The following GHR variants were observed in gnomAD, a reference collection of about 807,000 sequenced individuals.
GHR encodes the protein GH receptor.
A neutral mutation model predicts 67.1 loss-of-function variants in GHR; 35 were observed. The ratio of observed to expected loss-of-function variants is 0.52; its 90% CI spans 0.40 to 0.69. GHR has a LOEUF of 0.69. Among genes scored for constraint, GHR ranks in the 30% least tolerant of loss-of-function variants. GHR has a pLI of 0.00. For synonymous variants in GHR, 272 were observed against 269.1 expected, an observed-to-expected ratio of 1.01 and a Z score of -0.10; for missense variants, 792 against 764.6, an observed-to-expected ratio of 1.04 and a Z score of -0.42.
At chr5:42,647,772 T>C (rs1754817527) in intron 3 of GHR, 1 of 413,652 alleles carries the variant, frequency 2.4e-6, no homozygotes, top group Non-Finnish European at 4.7e-6. Context: ...TTTTCCACTC[T>C]TTGCTCTTGG....
chr5:42,661,686 A>G (rs1210590985), intron 3 of GHR, among the ~76,000 whole-genome samples: 1 of 152,228 alleles, frequency 6.6e-6, no homozygotes, highest in Non-Finnish European at 1.5e-5. Flanking sequence ...CTAGGAAGAA[A>G]CTGCATCAAC....
intron 2 of GHR, among the ~76,000 whole-genome samples, chr5:42,575,173 A>G (rs1750583787): frequency 6.6e-6 from 1 of 152,076 alleles, no homozygotes; most frequent in Non-Finnish European, 1.5e-5. Context: ...GTCCTCAGAG[A>G]TGCTTAGGGT....
At chr5:42,595,171 T>A (rs1225128738) in intron 2 of GHR, among the ~76,000 whole-genome samples, 2 of 152,180 alleles carry the variant, frequency 1.3e-5, no homozygotes, top group Non-Finnish European at 2.9e-5. Context: ...AGTATTTTGT[T>A]ACCCACCTTG....
At chr5:42,566,927 T>A (rs1187662859) in intron 2 of GHR, among the ~76,000 whole-genome samples, 1 of 152,192 alleles carries the variant, frequency 6.6e-6, no homozygotes, top group Non-Finnish European at 1.5e-5. Context: ...CACAGTCACT[T>A]AGAAAATGAG....
intron 3 of GHR, among the ~76,000 whole-genome samples, chr5:42,653,027 G>A (rs1755083826): frequency 6.6e-6 from 1 of 152,054 alleles, no homozygotes; most frequent in African/African-American, 2.4e-5. Context: ...AAAGGATTAC[G>A]ATCAACCCCC....
chr5:42,568,130 A>G (rs1750055348), intron 2 of GHR, among the ~76,000 whole-genome samples: 1 of 152,206 alleles, frequency 6.6e-6, no homozygotes. Flanking sequence ...CTGGTAGAAG[A>G]TGACAGACCT....
chr5:42,485,855 T>A (rs1745855506), intron 1 of GHR, among the ~76,000 whole-genome samples: 1 of 152,166 alleles, frequency 6.6e-6, no homozygotes, highest in Non-Finnish European at 1.5e-5. Flanking sequence ...TTTCATTGAT[T>A]TCTCACCTCC....
chr5:42,459,331 C>T (rs1744390639), intron 1 of GHR, among the ~76,000 whole-genome samples: 1 of 152,072 alleles, frequency 6.6e-6, no homozygotes, highest in African/African-American at 2.4e-5. Flanking sequence ...ACCATGCAGC[C>T]ATAAAAAGAA....
intron 3 of GHR, among the ~76,000 whole-genome samples, chr5:42,686,399 C>G (rs867057995): frequency 1.3e-5 from 2 of 152,128 alleles, no homozygotes; most frequent in African/African-American, 4.8e-5. Context: ...AGACCAATAT[C>G]CCTGATGAAC....
chr5:42,573,655 A>C (rs1263388919), intron 2 of GHR, among the ~76,000 whole-genome samples: 1 of 152,194 alleles, frequency 6.6e-6, no homozygotes, highest in Non-Finnish European at 1.5e-5. Flanking sequence ...CCCTTTGGAC[A>C]TTGAACTTTA....
chr5:42,679,106 T>A (rs1168153990), intron 3 of GHR, among the ~76,000 whole-genome samples: 1 of 144,768 alleles, frequency 6.9e-6, no homozygotes, highest in Non-Finnish European at 1.5e-5. Flanking sequence ...TGTATTAATA[T>A]ATTATTATAA....
intron 4 of GHR, 152 bp from the exon 5 acceptor site, chr5:42,694,765 G>A: frequency 1.4e-6 from 1 of 699,262 alleles, no homozygotes; most frequent in Non-Finnish European, 2.6e-6. Context: ...GTCCACTGAT[G>A]TGATATGTCT....
chr5:42,645,423 A>G (rs942140855), intron 3 of GHR, among the ~76,000 whole-genome samples: 1 of 152,216 alleles, frequency 6.6e-6, no homozygotes, highest in Non-Finnish European at 1.5e-5. Context: ...ATCCCCTTTC[A>G]TCACTCCTGA....
intron 1 of GHR, among the ~76,000 whole-genome samples, chr5:42,463,615 A>G (rs1744581470): frequency 6.6e-6 from 1 of 152,252 alleles, no homozygotes; most frequent in Admixed American, 6.5e-5. Flanking sequence ...TGGTTGGACT[A>G]TAAACCTCTT....
chr5:42,627,927 G>A (rs1753786130), intron 2 of GHR, among the ~76,000 whole-genome samples: 1 of 152,328 alleles, frequency 6.6e-6, no homozygotes, highest in East Asian at 1.9e-4. Context: ...CTCGAAGGAT[G>A]AGTGCAAGGT....
intron 1 of GHR, among the ~76,000 whole-genome samples, chr5:42,499,491 G>A (rs1317536691): frequency 6.6e-6 from 1 of 152,184 alleles, no homozygotes; most frequent in Non-Finnish European, 1.5e-5. Context: ...TGTTGATAAT[G>A]AAATGCTAGA....
At chr5:42,461,617 C>A (rs79856935) in intron 1 of GHR, among the ~76,000 whole-genome samples, 1 of 152,284 alleles carries the variant, frequency 6.6e-6, no homozygotes, top group Non-Finnish European at 1.5e-5. Flanking sequence ...TGGTGGCAGT[C>A]CCCAGTAGGA....
intron 1 of GHR, among the ~76,000 whole-genome samples, chr5:42,505,123 T>C (rs1022763674): frequency 2.3e-3 from 89 of 39,116 alleles, no homozygotes; most frequent in Non-Finnish European, 4.5e-3. Flanking sequence ...CTGTTGACTG[T>C]TTTTTTTTTT....
At chr5:42,456,414 G>A (rs1432140047) in intron 1 of GHR, among the ~76,000 whole-genome samples, 1 of 152,162 alleles carries the variant, frequency 6.6e-6, no homozygotes, top group Non-Finnish European at 1.5e-5. Context: ...TTTAAGGTAG[G>A]ACTAAAAATC....
Sources: gnomAD v4.1 joint callset for allele counts (sites outside exome capture counted in the v4.1 genomes callset) on GRCh38, gnomAD v4.1.1 for gene constraint, MANE v1.5 for transcripts, NCBI Gene and HGNC (gene_info 2026-07-23, HGNC 2026-07-21) for gene names.